Variants in PDE11A observed in about 807,000 individuals in gnomAD.
The protein encoded by PDE11A is dual 3',5'-cyclic-AMP and -GMP phosphodiesterase 11A.
A neutral mutation model predicts 100.5 loss-of-function variants in PDE11A; 100 were observed. That is an observed-to-expected ratio of 1.00 (90% CI 0.85 to 1.18). The LOEUF (loss-of-function observed/expected upper bound fraction) is 1.18. Among genes scored for constraint, PDE11A ranks in the 50% most tolerant of loss-of-function variants. The pLI is 0.00. For synonymous variants in PDE11A, 381 were observed against 420.8 expected (o/e 0.91, Z 1.16); for missense variants, 1,141 against 1,152.6 (o/e 0.99, Z 0.15).
intron 2 of PDE11A, among the ~76,000 whole-genome samples, chr2:177,963,184 A>G (rs2085657012): frequency 1.3e-5 from 2 of 152,174 alleles, no homozygotes; most frequent in African/African-American, 2.4e-5. Flanking sequence ...ATGATTAAAT[A>G]TCTTCCACTA....
chr2:177,839,033 GA>G (rs1345917057), intron 6 of PDE11A, among the ~76,000 whole-genome samples: 1 of 152,200 alleles, frequency 6.6e-6, no homozygotes, highest in African/African-American at 2.4e-5. Context: ...AAAATACATG[GA>G]AAATGTAGCC....
intron 2 of PDE11A, among the ~76,000 whole-genome samples, chr2:177,981,681 AT>A (rs2085884026): frequency 6.6e-6 from 1 of 150,860 alleles, no homozygotes. Flanking sequence ...ACTTCAACTT[AT>A]CTTTTGCAGG....
exon 2 of PDE11A, chr2:178,104,393 A>G: frequency 6.2e-7 from 1 of 1,613,958 alleles, no homozygotes; most frequent in Non-Finnish European, 8.5e-7. Context: ...CAGTCTTGTG[A>G]TTTTCACCTT....
chr2:177,794,147 T>G (rs2082672579), intron 9 of PDE11A, among the ~76,000 whole-genome samples: 1 of 150,592 alleles, frequency 6.6e-6, no homozygotes, highest in African/African-American at 2.4e-5. Flanking sequence ...GGAAGGGAGA[T>G]TAGCATGTTG....
intron 2 of PDE11A, among the ~76,000 whole-genome samples, chr2:177,987,900 T>C (rs1056008656): frequency 3.3e-5 from 5 of 152,172 alleles, no homozygotes; most frequent in African/African-American, 1.2e-4. Flanking sequence ...AAGTCTTTCT[T>C]CCCCACTGTC....
At chr2:178,089,111 G>T (rs1210151812) in intron 2 of PDE11A, among the ~76,000 whole-genome samples, 1 of 152,140 alleles carries the variant, frequency 6.6e-6, no homozygotes, top group Non-Finnish European at 1.5e-5. Context: ...TGTGAATAAG[G>T]AATTTATTAT....
chr2:177,666,905 A>ATTTATTTATTTATTTT (rs1294987456), intron 18 of PDE11A, among the ~76,000 whole-genome samples: 2 of 11,036 alleles, frequency 1.8e-4, no homozygotes, highest in Non-Finnish European at 5.0e-4. Context: ...ATAAAGTTCA[A>ATTTATTTATTTATTTT]TTTATTTATT....
At chr2:178,095,155 A>G (rs1411601138) in intron 2 of PDE11A, among the ~76,000 whole-genome samples, 1 of 152,162 alleles carries the variant, frequency 6.6e-6, no homozygotes, top group Non-Finnish European at 1.5e-5. Context: ...TCAAAAGTCC[A>G]TAGTCAAAAG....
At chr2:178,026,402 C>T (rs1390112678) in intron 1 of PDE11A, among the ~76,000 whole-genome samples, 1 of 152,170 alleles carries the variant, frequency 6.6e-6, no homozygotes, top group African/African-American at 2.4e-5. Context: ...TGGCCAACAC[C>T]TGTAATCCCA....
chr2:177,649,662 A>C (rs1197869017), intron 19 of PDE11A, among the ~76,000 whole-genome samples: 1 of 152,232 alleles, frequency 6.6e-6, no homozygotes, highest in Non-Finnish European at 1.5e-5. Flanking sequence ...ATTATGTATT[A>C]AAAACAGTGT....
intron 19 of PDE11A, among the ~76,000 whole-genome samples, chr2:177,629,876 A>T (rs1212050336): frequency 6.6e-6 from 1 of 152,188 alleles, no homozygotes; most frequent in Non-Finnish European, 1.5e-5. Context: ...GAAACAAAAT[A>T]TCCAGCTCAC....
At chr2:177,724,203 T>C (rs1160054048) in intron 12 of PDE11A, among the ~76,000 whole-genome samples, 1 of 152,128 alleles carries the variant, frequency 6.6e-6, no homozygotes, top group Non-Finnish European at 1.5e-5. Context: ...AGCTTTCAAA[T>C]TTATAAATGT....
At position 178,040,531 on chromosome 2, in the gene PDE11A, G is replaced by A. The variant is rs1356238079; in HGVS notation, c.913-26071C>T. Among the ~76,000 whole-genome samples, 7 of 152,150 alleles carry A rather than the reference G, an allele frequency of 4.6e-5. No homozygotes were observed. The East Asian group carries it at 1.3e-3, about 29-fold the overall frequency. On this transcript the variant is annotated intron_variant, in intron 1 of 19. Coordinates refer to ENST00000286063, the MANE Select transcript of PDE11A (RefSeq NM_016953.4). ...CTGAAGCTCTTGTCCTTTCCGATATGTTCAGCACACATATTGTTTTGAATG... is the reference window on the plus strand; with the variant it reads ...CTGAAGCTCTTGTCCTTTCCGATATATTCAGCACACATATTGTTTTGAATG...
chr2:177,767,200 C>A (rs750538937), intron 10 of PDE11A, among the ~76,000 whole-genome samples: 1 of 152,212 alleles, frequency 6.6e-6, no homozygotes, highest in East Asian at 1.9e-4. Flanking sequence ...CATGGTGATG[C>A]GCGCCTGTAA....
In PDE11A at chr2:177,795,935, C is replaced by CTATATATATATATATA. The variant is rs55861102; in HGVS notation, c.1737+20878_1737+20893dup. Among the ~76,000 whole-genome samples, 338 of 67,204 alleles carry CTATATATATATATATA rather than the reference C, an allele frequency of 5.0e-3. 19 individuals carry two copies. Among genetic ancestry groups the CTATATATATATATATA allele is most frequent in the Non-Finnish European group, 7.6e-3 (209 of 27,564 alleles). The allele number at this position is 67,204 out of a possible 152,430, so 44.1% of individuals were successfully genotyped here. A position where few individuals can be genotyped will look rare whatever the true frequency, so the allele number is the denominator to read the frequency against. On this transcript the variant is annotated intron_variant, in intron 9 of 19. Transcript: ENST00000286063. The stretch of plus-strand genomic sequence containing the variant: ...AATTATTACTATTATTTTGTTTAAA[C>CTATATATATATATATA]TATATATATATATATATATATATAT...
chr2:178,088,502 A>G (rs1329518614), intron 2 of PDE11A, among the ~76,000 whole-genome samples: 2 of 152,194 alleles, frequency 1.3e-5, no homozygotes, highest in African/African-American at 4.8e-5. Context: ...GGATCTAACA[A>G]TGTTCCACTG....
intron 1 of PDE11A, among the ~76,000 whole-genome samples, chr2:178,031,196 AT>A (rs2086543090): frequency 6.6e-6 from 1 of 152,200 alleles, no homozygotes; most frequent in Admixed American, 6.5e-5. Context: ...TCTTAACCCA[AT>A]AAAGGGGATC....
At chr2:178,096,983 T>C (rs757533310) in intron 2 of PDE11A, among the ~76,000 whole-genome samples, 23 of 151,560 alleles carry the variant, frequency 1.5e-4, no homozygotes, top group Admixed American at 6.6e-5. Flanking sequence ...GCCTCTGGGG[T>C]TCAAGCAATT....
chr2:178,032,104 A>G (rs114464108), intron 1 of PDE11A, among the ~76,000 whole-genome samples: 1 of 152,330 alleles, frequency 6.6e-6, no homozygotes, highest in African/African-American at 2.4e-5. Flanking sequence ...AAATGACCCT[A>G]GGTCAATTGC....
Sources: allele counts gnomAD v4.1 joint callset (sites outside exome capture counted in the v4.1 genomes callset), GRCh38; gene constraint gnomAD v4.1.1; transcripts MANE v1.5; gene names NCBI Gene and HGNC (gene_info 2026-07-23, HGNC 2026-07-21).